The following PTPRD variants were observed in gnomAD, a reference collection of about 807,000 sequenced individuals.
PTPRD encodes receptor-type tyrosine-protein phosphatase delta.
PTPRD carries 34 observed loss-of-function variants against 214.5 expected under a neutral mutation model. The ratio of observed to expected loss-of-function variants is 0.16; its 90% confidence interval spans 0.12 to 0.21. PTPRD has a LOEUF of 0.21. Ranked by LOEUF, PTPRD falls within the 10% of genes least tolerant of loss-of-function variation. The pLI, the probability that PTPRD is intolerant of heterozygous loss-of-function variation, is 1.00. For synonymous variants in PTPRD, 1,128 were observed against 845.7 expected (o/e 1.33, Z -5.79); for missense variants, 2,545 against 2,398.7 (o/e 1.06, Z -1.27).
At chr9:8,338,125 A>T (rs1329289452) in intron 43 of PTPRD, among the ~76,000 whole-genome samples, 1 of 152,068 alleles carries the variant, frequency 6.6e-6, no homozygotes, top group Non-Finnish European at 1.5e-5. Context: ...AAAACAATGG[A>T]TCAACTAAAT....
chr9:9,505,298 C>T (rs747962139), intron 8 of PTPRD, among the ~76,000 whole-genome samples: 1 of 151,566 alleles, frequency 6.6e-6, no homozygotes, highest in Non-Finnish European at 1.5e-5. Context: ...AAATCCTTCT[C>T]TTCTTTATAG....
Position 8,730,294 on chromosome 9 carries a change from T to C in PTPRD, c.64+3486A>G, listed in dbSNP as rs192301865. Among the ~76,000 whole-genome samples, 7 of 152,118 alleles carry C rather than the reference T, an allele frequency of 4.6e-5. No homozygotes were observed. The East Asian group carries it at 5.8e-4, about 13-fold the overall frequency. ...AAAAGAAAGAAATATTGCGAGTATATAGTGACTACAGCAAGGCTCTTTAAC... is the reference window on the plus strand; with the variant it reads ...AAAAGAAAGAAATATTGCGAGTATACAGTGACTACAGCAAGGCTCTTTAAC... On this transcript the variant is annotated intron_variant, in intron 12 of 45. Coordinates refer to ENST00000381196, the MANE Select transcript of PTPRD (RefSeq NM_002839.4).
At chr9:9,224,883 G>A (rs1329069312) in intron 9 of PTPRD, among the ~76,000 whole-genome samples, 3 of 151,946 alleles carry the variant, frequency 2.0e-5, no homozygotes, top group Non-Finnish European at 4.4e-5. Context: ...GCTAATTGCT[G>A]ATGTCTACAT....
At chr9:8,726,803 G>GA (rs35672150) in intron 12 of PTPRD, among the ~76,000 whole-genome samples, 4 of 113,356 alleles carry the variant, frequency 3.5e-5, no homozygotes, top group Non-Finnish European at 5.3e-5. Flanking sequence ...TCCATCTCAA[G>GA]AAAAAAAAAA....
At chr9:10,492,989 C>T (rs948034966) in intron 2 of PTPRD, among the ~76,000 whole-genome samples, 2 of 152,000 alleles carry the variant, frequency 1.3e-5, no homozygotes, top group African/African-American at 4.8e-5. Flanking sequence ...AAGAGAACTC[C>T]CATTCACAAT....
intron 7 of PTPRD, among the ~76,000 whole-genome samples, chr9:9,594,029 G>C (rs2093033076): frequency 6.6e-6 from 1 of 152,038 alleles, no homozygotes; most frequent in Non-Finnish European, 1.5e-5. Context: ...GTGGACAATG[G>C]ACGATAGTTA....
At chr9:9,763,276 T>A (rs1488787059) in intron 6 of PTPRD, among the ~76,000 whole-genome samples, 1 of 152,196 alleles carries the variant, frequency 6.6e-6, no homozygotes, top group Non-Finnish European at 1.5e-5. Flanking sequence ...CTGTTAATAA[T>A]GATGGGTGTG....
At chr9:10,087,942 T>G (rs895824912) in intron 3 of PTPRD, among the ~76,000 whole-genome samples, 8 of 151,758 alleles carry the variant, frequency 5.3e-5, no homozygotes, top group Non-Finnish European at 1.2e-4. Flanking sequence ...GTCTAGTTTT[T>G]GGCAAAGCAT....
intron 10 of PTPRD, among the ~76,000 whole-genome samples, chr9:9,025,010 C>G (rs1363377817): frequency 2.0e-5 from 3 of 151,846 alleles, no homozygotes; most frequent in Non-Finnish European, 2.9e-5. Flanking sequence ...CATTTTCATT[C>G]CAATTTGAAT....
intron 35 of PTPRD, among the ~76,000 whole-genome samples, chr9:8,431,188 G>T (rs1441276204): frequency 6.6e-6 from 1 of 152,130 alleles, no homozygotes; most frequent in African/African-American, 2.4e-5. Context: ...TTGCTCTCTG[G>T]CATTTAAAAC....
chr9:9,341,708 T>G (rs559076017), intron 9 of PTPRD, among the ~76,000 whole-genome samples: 1 of 152,226 alleles, frequency 6.6e-6, no homozygotes, highest in Admixed American at 6.5e-5. Context: ...TTATACCCCT[T>G]TCTGTATTAA....
At chr9:9,610,875 A>G (rs530603570) in intron 7 of PTPRD, among the ~76,000 whole-genome samples, 33 of 152,292 alleles carry the variant, frequency 2.2e-4, no homozygotes, top group African/African-American at 7.9e-4. Flanking sequence ...TTCCAGTTTT[A>G]TTTCTGCTAA....
intron 10 of PTPRD, among the ~76,000 whole-genome samples, chr9:9,160,631 A>G (rs1157370428): frequency 6.6e-6 from 1 of 152,198 alleles, no homozygotes; most frequent in Non-Finnish European, 1.5e-5. Context: ...AGATTCCTCA[A>G]AAAAACTAAA....
chr9:8,603,459 T>A (rs1379339451), intron 14 of PTPRD, among the ~76,000 whole-genome samples: 1 of 152,230 alleles, frequency 6.6e-6, no homozygotes, highest in African/African-American at 2.4e-5. Context: ...TTTGTAACAC[T>A]GGAGCTACAT....
At chr9:9,097,000 A>T (rs887673497) in intron 10 of PTPRD, among the ~76,000 whole-genome samples, 1 of 152,208 alleles carries the variant, frequency 6.6e-6, no homozygotes, top group Non-Finnish European at 1.5e-5. Flanking sequence ...ATTATTAATC[A>T]GCTTGAACTA....
intron 14 of PTPRD, among the ~76,000 whole-genome samples, chr9:8,613,523 A>G (rs1354470678): frequency 6.6e-6 from 1 of 152,166 alleles, no homozygotes; most frequent in Non-Finnish European, 1.5e-5. Flanking sequence ...TCATAGCATC[A>G]CAGACTCTCT....
chr9:9,223,059 T>C (rs1177781385), intron 9 of PTPRD, among the ~76,000 whole-genome samples: 1 of 151,996 alleles, frequency 6.6e-6, no homozygotes, highest in Non-Finnish European at 1.5e-5. Context: ...AATGGAAAGG[T>C]ATAAGAATTT....
At chr9:9,274,600 T>G (rs1417426271) in intron 9 of PTPRD, among the ~76,000 whole-genome samples, 1 of 151,232 alleles carries the variant, frequency 6.6e-6, no homozygotes, top group African/African-American at 2.4e-5. Flanking sequence ...CCCAAAAATG[T>G]CTTCATCCAA....
At chr9:9,627,177 T>A (rs142534111) in intron 7 of PTPRD, among the ~76,000 whole-genome samples, 92 of 152,200 alleles carry the variant, frequency 6.0e-4, no homozygotes, top group African/African-American at 2.2e-3. Flanking sequence ...TAGCCAGGTG[T>A]ACATCTGTAG....
Sources: gnomAD v4.1 joint callset for allele counts (sites outside exome capture counted in the v4.1 genomes callset) on GRCh38, gnomAD v4.1.1 for gene constraint, MANE v1.5 for transcripts, NCBI Gene and HGNC (gene_info 2026-07-23, HGNC 2026-07-21) for gene names.